The following TLK2 variants were observed in gnomAD, a reference collection of about 807,000 sequenced individuals.
The protein encoded by TLK2 is serine/threonine-protein kinase tousled-like 2.
TLK2 carries 6 observed loss-of-function variants against 117.3 expected under a neutral mutation model. That is an observed-to-expected ratio of 0.05 (90% CI 0.03 to 0.10). The LOEUF (loss-of-function observed/expected upper bound fraction) is 0.10, where lower values mean the gene tolerates loss of function less well. Ranked by LOEUF, TLK2 falls within the 10% of genes least tolerant of loss-of-function variation. The pLI is 1.00. For synonymous variants in TLK2, 257 were observed against 316.7 expected, an observed-to-expected ratio of 0.81 and a Z score of 2.00; for missense variants, 299 against 901.2, an observed-to-expected ratio of 0.33 and a Z score of 8.56.
chr17:62,548,240 ATGTGTGTG>A (rs59375141), intron 7 of TLK2, among the ~76,000 whole-genome samples: 28 of 121,294 alleles, frequency 2.3e-4, no homozygotes, highest in African/African-American at 7.7e-4. Flanking sequence ...ATATATATAT[ATGTGTGTG>A]TGTGTGTGTG....
chr17:62,482,959 G>T (rs1279688900), intron 2 of TLK2, among the ~76,000 whole-genome samples: 1 of 152,002 alleles, frequency 6.6e-6, no homozygotes, highest in Non-Finnish European at 1.5e-5. Flanking sequence ...AATTTCTTTG[G>T]CCACTTAAAC....
chr17:62,508,512 CAA>C (rs1294366518), intron 2 of TLK2: 4 of 984,718 alleles, frequency 4.1e-6, no homozygotes, highest in Non-Finnish European at 2.4e-6. Flanking sequence ...AATTAGGAAA[CAA>C]AAGGCAAAAT....
intron 1 of TLK2, among the ~76,000 whole-genome samples, chr17:62,471,586 A>G (rs1283818302): frequency 6.6e-6 from 1 of 152,180 alleles, no homozygotes; most frequent in Non-Finnish European, 1.5e-5. Context: ...CAGAACATAA[A>G]GTTTATTGAT....
intron 7 of TLK2, among the ~76,000 whole-genome samples, chr17:62,538,989 T>C (rs533618962): frequency 8.5e-5 from 13 of 152,142 alleles, no homozygotes; most frequent in Non-Finnish European, 1.9e-4. Flanking sequence ...CATAGAGAAG[T>C]GCAAAATAAA....
chr17:62,551,168 A>G lies in TLK2; in HGVS notation c.532-1134A>G, dbSNP rs553486336. On this transcript the variant is annotated intron_variant, in intron 7 of 21. Transcript: ENST00000346027. ...CTGTGACAATGACAGTGAAACATTT[A>G]GGTTACAGTAACTTGTTCAATAGTT... Among the ~76,000 whole-genome samples the G allele has an allele frequency of 4.6e-5, 7 of 152,326 alleles. No individual in the cohort carries two copies. The South Asian group carries it at 1.2e-3, about 27-fold the overall frequency.
rs771592366 is a variant in TLK2 at position 62,481,121 on chromosome 17, C to T, written c.-5C>T. On this transcript the variant is annotated splice_region_variant and 5_prime_UTR_variant, in exon 2 of 22. Transcript: ENST00000346027. ...TCACAGCCTACTTTTTCTTTTTCAG[C>T]AGAAATGATGGAAGAATTGCATAGC... 2.5e-6 allele frequency: 4 copies of T among 1,613,152 alleles called. No homozygotes were observed. The African/African-American group carries it at 5.3e-5, about 22-fold the overall frequency.
chr17:62,495,757 C>G (rs1333826096), intron 2 of TLK2, among the ~76,000 whole-genome samples: 1 of 151,284 alleles, frequency 6.6e-6, no homozygotes, highest in African/African-American at 2.4e-5. Context: ...CTCCCAGGTT[C>G]AAGCGATTCT....
At chr17:62,486,635 A>T (rs953543216) in intron 2 of TLK2, among the ~76,000 whole-genome samples, 1 of 152,214 alleles carries the variant, frequency 6.6e-6, no homozygotes, top group Non-Finnish European at 1.5e-5. Context: ...AGTTCTGGAG[A>T]CCATGTAAAG....
intron 20 of TLK2, among the ~76,000 whole-genome samples, chr17:62,607,686 T>C (rs1455032263): frequency 2.0e-5 from 3 of 152,132 alleles, no homozygotes; most frequent in Non-Finnish European, 4.4e-5. Flanking sequence ...CAGGTGTGTA[T>C]TTCTTAGGGC....
At chr17:62,480,815 G>T (rs2144322368) in intron 1 of TLK2, among the ~76,000 whole-genome samples, 2 of 152,270 alleles carry the variant, frequency 1.3e-5, no homozygotes, top group Middle Eastern at 3.4e-3. Context: ...TCTTTCCCCT[G>T]TGCTCAACTT....
chr17:62,501,049 T>TA (rs779391208), intron 2 of TLK2, among the ~76,000 whole-genome samples: 2 of 151,930 alleles, frequency 1.3e-5, no homozygotes, highest in Non-Finnish European at 2.9e-5. Context: ...CCATCCTGGC[T>TA]AACGCGGTGA....
chr17:62,570,986 CAG>C (rs1300466743), intron 11 of TLK2, among the ~76,000 whole-genome samples: 2 of 152,268 alleles, frequency 1.3e-5, no homozygotes, highest in East Asian at 1.9e-4. Context: ...GTAGGGAGTT[CAG>C]AGTGTCTTAC....
Position 62,479,153 on chromosome 17 carries a change from G to A in TLK2, c.-143G>A, listed in dbSNP as rs1210897489. On this transcript the variant is annotated 5_prime_UTR_variant, in exon 1 of 22. Coordinates refer to ENST00000346027, the MANE Select transcript of TLK2 (RefSeq NM_006852.6). The stretch of plus-strand genomic sequence containing the variant: ...GCCCGGCGCCGGCGGCGGCTGCCCG[G>A]GCGGGGGGTTGCGGCGCTCAGGAGA... 1 of 150,990 alleles carries A rather than the reference G, an allele frequency of 6.6e-6. No individual in the cohort carries two copies. Among genetic ancestry groups the A allele is most frequent in the African/African-American group, 2.4e-5 (1 of 41,256 alleles). 9.4% of individuals were successfully genotyped at this position (150,990 alleles called of 1,614,324 possible). A position where few individuals can be genotyped will look rare whatever the true frequency, so the allele number is the denominator to read the frequency against.
chr17:62,523,389 G>A (rs1379278958), intron 5 of TLK2, among the ~76,000 whole-genome samples: 1 of 152,036 alleles, frequency 6.6e-6, no homozygotes, highest in Non-Finnish European at 1.5e-5. Flanking sequence ...GGCCAACCTG[G>A]GCAACATGGG....
At chr17:62,526,385 C>CAA (rs2076369179) in intron 6 of TLK2, among the ~76,000 whole-genome samples, 1 of 152,140 alleles carries the variant, frequency 6.6e-6, no homozygotes, top group Admixed American at 6.5e-5. Flanking sequence ...AGCAATTCTT[C>CAA]TGCTAACTGA....
intron 2 of TLK2, among the ~76,000 whole-genome samples, chr17:62,488,381 A>C (rs2072718937): frequency 1.3e-5 from 2 of 151,736 alleles, no homozygotes; most frequent in Non-Finnish European, 2.9e-5. Context: ...TCAGTTATGA[A>C]TATCTAGTGT....
chr17:62,471,791 T>A (rs11658756), intron 1 of TLK2, among the ~76,000 whole-genome samples: 64,767 of 151,398 alleles, frequency 0.43, 16,764 homozygotes, highest in East Asian at 0.71. Flanking sequence ...GCAGTTCTTA[T>A]GGAGCCCAGT....
At chr17:62,599,005 G>T (rs1025957768) in intron 17 of TLK2, among the ~76,000 whole-genome samples, 4 of 151,938 alleles carry the variant, frequency 2.6e-5, no homozygotes, top group African/African-American at 9.7e-5. Context: ...TAGTGCAGTG[G>T]CATGATCTTG....
chr17:62,527,976 C>T (rs1231604563), intron 6 of TLK2, among the ~76,000 whole-genome samples: 4 of 152,116 alleles, frequency 2.6e-5, no homozygotes, highest in Non-Finnish European at 5.9e-5. Flanking sequence ...CTCTTGACCT[C>T]GTGATCCGCC....
Sources: gnomAD v4.1 joint callset for allele counts (sites outside exome capture counted in the v4.1 genomes callset) on GRCh38, gnomAD v4.1.1 for gene constraint, MANE v1.5 for transcripts, NCBI Gene and HGNC (gene_info 2026-07-23, HGNC 2026-07-21) for gene names.